Variants in CTPS1 observed in about 807,000 individuals in gnomAD.
CTPS1 encodes CTP synthase 1.
In CTPS1, 25 loss-of-function variants were observed where a neutral mutation model predicts 80.5. The ratio of observed to expected loss-of-function variants is 0.31; its 90% confidence interval spans 0.23 to 0.43. The LOEUF (loss-of-function observed/expected upper bound fraction) is 0.43. CTPS1 is among the 20% of genes least tolerant of loss of function. The pLI is 1.00. For missense variants in CTPS1, 442 were observed against 725.7 expected, an observed-to-expected ratio of 0.61 and a Z score of 4.49; for synonymous variants, 267 against 252.5, an observed-to-expected ratio of 1.06 and a Z score of -0.54.
At chr1:40,985,726 C>CTCTG (rs1225542484) in intron 3 of CTPS1, among the ~76,000 whole-genome samples, 2 of 152,144 alleles carry the variant, frequency 1.3e-5, no homozygotes, top group Admixed American at 6.5e-5. Flanking sequence ...TGACAGCTGG[C>CTCTG]TCTGGTCTGG....
chr1:41,007,586 T>TCCTGG lies in CTPS1; in HGVS notation c.1393+41_1393+42insCCTGG. On this transcript the variant is annotated intron_variant, in intron 14 of 18. Transcript: ENST00000650070. The surrounding 1 kb of genome is among the most constrained non-coding windows in gnomAD (Gnocchi z 4.4). Reference sequence around the variant, plus strand: ...CGCTGGCCCAGCCTTTGGCTCTGCGTGCCCAGGACGCGTGTCTTAGGGTGA... The same window carrying TCCTGG: ...CGCTGGCCCAGCCTTTGGCTCTGCGTCCTGGGCCCAGGACGCGTGTCTTAGGGTGA... The TCCTGG allele has an allele frequency of 6.4e-7, 1 of 1,558,570 alleles. No individual in the cohort carries two copies. The highest frequency in any genetic ancestry group is 8.8e-7 in the Non-Finnish European group (1 of 1,131,096).
chr1:40,997,409 G>T lies in CTPS1; in HGVS notation c.888G>T (p.Leu296=). The T allele has an allele frequency of 1.2e-6, 2 of 1,613,632 alleles. No homozygotes were observed. The highest frequency in any genetic ancestry group is 1.7e-6 in the Non-Finnish European group (2 of 1,179,858). The change falls in exon 9 of 19, where the codon CTG becomes CTT. Residue 296 remains leucine (L), a synonymous_variant. Coordinates refer to ENST00000650070, the MANE Select transcript of CTPS1 (RefSeq NM_001905.4). ...KEMADRYDRL[L]ETCSIALVGK... Reference sequence around the variant, plus strand: ...TATTTGATAGATATGATCGCTTGCTGGAGACCTGCTCTATTGCCCTTGTGG... The same window carrying T: ...TATTTGATAGATATGATCGCTTGCTTGAGACCTGCTCTATTGCCCTTGTGG...
chr1:41,009,420 T>G, intron 16 of CTPS1, 25 bp from the exon 17 acceptor site: 1 of 1,537,634 alleles, frequency 6.5e-7, no homozygotes, highest in Non-Finnish European at 8.7e-7. Flanking sequence ...ACAATGAAGC[T>G]GTTTCTTTTG....
At chr1:40,986,866 C>CT (rs1397058356) in intron 3 of CTPS1, among the ~76,000 whole-genome samples, 3 of 152,010 alleles carry the variant, frequency 2.0e-5, no homozygotes, top group African/African-American at 7.3e-5. Context: ...AGTCATGAGA[C>CT]TAAGGTTTGA....
At chr1:40,986,623 G>A (rs1642459888) in intron 3 of CTPS1, among the ~76,000 whole-genome samples, 1 of 152,224 alleles carries the variant, frequency 6.6e-6, no homozygotes, top group African/African-American at 2.4e-5. Flanking sequence ...TGCTGTAACT[G>A]GAGTAACCTG....
intron 12 of CTPS1, 117 bp from the exon 13 acceptor site, chr1:41,005,934 T>C (rs1643022524): frequency 4.9e-6 from 4 of 818,442 alleles, no homozygotes; most frequent in Non-Finnish European, 8.3e-6. Context: ...ATCTTTAGTT[T>C]TTGTTCTAAT....
rs1336752910 is a variant in CTPS1, at chr1:41,007,841, AC to A, written c.1393+298del. Among the ~76,000 whole-genome samples the A allele has an allele frequency of 1.8e-4, 28 of 152,280 alleles. No homozygotes were observed. The highest frequency in any genetic ancestry group is 6.5e-4 in the African/African-American group (27 of 41,574). ...CCTTATCGGTTACTTTCCTATTAAG[AC>A]CAGCCATATCAATTGCTGATGTTTG... On this transcript the variant is annotated intron_variant, in intron 14 of 18. Transcript: ENST00000650070. The surrounding 1 kb of genome is among the most constrained non-coding windows in gnomAD (Gnocchi z 4.4).
At chr1:40,988,132 T>C (rs1642505681) in intron 4 of CTPS1, among the ~76,000 whole-genome samples, 1 of 152,190 alleles carries the variant, frequency 6.6e-6, no homozygotes, top group African/African-American at 2.4e-5. Context: ...CAGGATGGTC[T>C]CTAACTCCTG....
At chr1:41,002,089 C>A in intron 10 of CTPS1, 71 bp from the exon 11 acceptor site, 1 of 1,352,588 alleles carries the variant, frequency 7.4e-7, no homozygotes, top group Non-Finnish European at 1.1e-6. Context: ...GGTAATGGCC[C>A]GTTAGGCGAT....
chr1:41,010,691 C>T (rs768684519), intron 18 of CTPS1, among the ~76,000 whole-genome samples: 10 of 152,192 alleles, frequency 6.6e-5, no homozygotes, highest in Non-Finnish European at 1.0e-4. Flanking sequence ...TGCAGAGCCT[C>T]AGGTTTTCAT....
chr1:40,986,155 C>T (rs766229640), intron 3 of CTPS1, among the ~76,000 whole-genome samples: 1 of 152,174 alleles, frequency 6.6e-6, no homozygotes, highest in African/African-American at 2.4e-5. Flanking sequence ...TGAAACAAAA[C>T]GAGACGTCTG....
Position 40,996,076 on chromosome 1 carries a change from T to A in CTPS1, c.872+8T>A. 6.2e-7 allele frequency: 1 copy of A among 1,614,064 alleles called. No homozygotes were observed. The highest frequency in any genetic ancestry group is 8.5e-7 in the Non-Finnish European group (1 of 1,179,940). On this transcript the variant is annotated splice_region_variant and intron_variant, in intron 8 of 18. Transcript: ENST00000650070. ...GAAAGAGATGGCTGACAGGTTTGCCTGCAATGAGGAGCTGGGAGTGCTAGC... is the reference window on the plus strand; with the variant it reads ...GAAAGAGATGGCTGACAGGTTTGCCAGCAATGAGGAGCTGGGAGTGCTAGC...
intron 12 of CTPS1, among the ~76,000 whole-genome samples, chr1:41,003,629 G>C (rs1306335260): frequency 1.3e-5 from 2 of 152,194 alleles, no homozygotes; most frequent in Non-Finnish European, 2.9e-5. Flanking sequence ...TAAAATGGGA[G>C]TAATAAAGGT....
At chr1:40,988,525 G>C (rs767718725) in intron 4 of CTPS1, 69 bp from the exon 5 acceptor site, 1 of 984,976 alleles carries the variant, frequency 1.0e-6, no homozygotes, top group South Asian at 1.3e-5. Context: ...AGACAGAACA[G>C]TTGTTAGAAA....
In CTPS1 at chr1:41,012,005, C is replaced by T. The variant is rs533605041; in HGVS notation, c.*357C>T. ...TTGCCTGTCGCTTTCCCTTGGATAC[C>T]TAGACCGTTATAAAGTGTGCCACAT... On this transcript the variant is annotated 3_prime_UTR_variant, in exon 19 of 19. Coordinates refer to ENST00000650070, the MANE Select transcript of CTPS1 (RefSeq NM_001905.4). The T allele has an allele frequency of 4.6e-5, 7 of 152,306 alleles. No individual in the cohort carries two copies. In the East Asian group the frequency reaches 1.2e-3, roughly 25 times the overall value. 9.4% of individuals were successfully genotyped at this position (152,306 alleles called of 1,614,324 possible). A position where few individuals can be genotyped will look rare whatever the true frequency, so the allele number is the denominator to read the frequency against.
At chr1:40,990,554 G>A (rs994196577) in intron 5 of CTPS1, among the ~76,000 whole-genome samples, 2 of 152,096 alleles carry the variant, frequency 1.3e-5, no homozygotes, top group Non-Finnish European at 2.9e-5. Flanking sequence ...GGAGGCAGAG[G>A]TGGGAGGACT....
intron 5 of CTPS1, among the ~76,000 whole-genome samples, chr1:40,990,451 A>G (rs1169599733): frequency 6.6e-6 from 1 of 152,180 alleles, no homozygotes; most frequent in African/African-American, 2.4e-5. Context: ...CCTTAGCAAC[A>G]ATACTGGAAG....
At chr1:40,999,542 AC>A (rs1207568726) in intron 9 of CTPS1, among the ~76,000 whole-genome samples, 1 of 152,076 alleles carries the variant, frequency 6.6e-6, no homozygotes, top group Non-Finnish European at 1.5e-5. Flanking sequence ...AGTGACACAA[AC>A]CCCCTAGAGC....
In CTPS1 at chr1:40,993,570, C is replaced by G. The variant is rs1393454437; in HGVS notation, c.720+1725C>G. Reference sequence around the variant, plus strand: ...CCAGGCTGGTCTTGAACTCTTTGGGCTCAGGCAGTCTTCTTGCTTCAGTCT... The same window carrying G: ...CCAGGCTGGTCTTGAACTCTTTGGGGTCAGGCAGTCTTCTTGCTTCAGTCT... On this transcript the variant is annotated intron_variant, in intron 7 of 18. Transcript: ENST00000650070. Among the ~76,000 whole-genome samples the G allele has an allele frequency of 3.3e-5, 5 of 152,118 alleles. No individual in the cohort carries two copies. The South Asian group carries it at 1.0e-3, about 32-fold the overall frequency.
Sources: allele counts gnomAD v4.1 joint callset (sites outside exome capture counted in the v4.1 genomes callset), GRCh38; gene constraint gnomAD v4.1.1; non-coding constraint Gnocchi (gnomAD v3.1); transcripts MANE v1.5; gene names NCBI Gene and HGNC (gene_info 2026-07-23, HGNC 2026-07-21).